The following ATXN1 variants were observed in gnomAD, a reference collection of about 807,000 sequenced individuals.
ATXN1 encodes ataxin-1.
Under a neutral mutation model 56.4 loss-of-function variants are expected in ATXN1, and 8 were observed. That is an observed-to-expected ratio of 0.14 (90% CI 0.08 to 0.26). The LOEUF (loss-of-function observed/expected upper bound fraction) is 0.26. ATXN1 is among the 10% of genes least tolerant of loss of function. The pLI is 1.00. For missense variants in ATXN1, 987 were observed against 1,106.5 expected (o/e 0.89, Z 1.53); for synonymous variants, 514 against 494.6 (o/e 1.04, Z -0.52).
intron 6 of ATXN1, among the ~76,000 whole-genome samples, chr6:16,456,408 G>A (rs975619313): frequency 6.6e-6 from 1 of 152,208 alleles, no homozygotes; most frequent in Non-Finnish European, 1.5e-5. Flanking sequence ...TAAGGACATG[G>A]ATGTCAGGCT....
intron 6 of ATXN1, among the ~76,000 whole-genome samples, chr6:16,363,980 CGCTG>C (rs1409951301): frequency 2.0e-5 from 3 of 152,160 alleles, no homozygotes; most frequent in African/African-American, 7.2e-5. Context: ...ATCCATGTTC[CGCTG>C]GCTCTAGAAA....
chr6:16,367,126 C>T (rs1761936684), intron 6 of ATXN1, among the ~76,000 whole-genome samples: 1 of 152,112 alleles, frequency 6.6e-6, no homozygotes, highest in South Asian at 2.1e-4. Context: ...CTGTTATTAG[C>T]AGCCTCTGTG....
chr6:16,439,175 A>G (rs1330165194), intron 6 of ATXN1, among the ~76,000 whole-genome samples: 1 of 151,992 alleles, frequency 6.6e-6, no homozygotes, highest in Non-Finnish European at 1.5e-5. Flanking sequence ...AAGGGCCTCC[A>G]AGAATTTAAA....
intron 3 of ATXN1, among the ~76,000 whole-genome samples, chr6:16,607,630 T>C (rs3806142): frequency 0.1 from 15,721 of 152,230 alleles, 1,548 homozygotes; most frequent in African/African-American, 0.26. Flanking sequence ...TACCCATCTC[T>C]CTAGGCAACC....
intron 5 of ATXN1, among the ~76,000 whole-genome samples, chr6:16,522,112 A>G (rs892587966): frequency 6.6e-6 from 1 of 152,188 alleles, no homozygotes; most frequent in Non-Finnish European, 1.5e-5. Flanking sequence ...TCAAAATCCT[A>G]GCTCTGCTAC....
intron 2 of ATXN1, among the ~76,000 whole-genome samples, chr6:16,691,833 T>C (rs1469689429): frequency 2.6e-5 from 4 of 152,216 alleles, no homozygotes; most frequent in Non-Finnish European, 5.9e-5. Flanking sequence ...CGTGATAGTA[T>C]TAGGGAGTGG....
At position 16,394,633 on chromosome 6, in the gene ATXN1, A is replaced by G. The variant is rs182046945; in HGVS notation, c.-160-66163T>C. Among the ~76,000 whole-genome samples, 44 of 152,332 alleles carry G rather than the reference A, an allele frequency of 2.9e-4. 2 individuals are homozygous for G. In the East Asian group the frequency reaches 8.3e-3, roughly 29 times the overall value. ...ACCAAAGAAGAAAATAAAAGACCCTATAAAATTCAGCTCTGTTTAAGTCCT... is the reference window on the plus strand; with the variant it reads ...ACCAAAGAAGAAAATAAAAGACCCTGTAAAATTCAGCTCTGTTTAAGTCCT... On this transcript the variant is annotated intron_variant, in intron 6 of 7. Transcript: ENST00000436367.
intron 4 of ATXN1, among the ~76,000 whole-genome samples, chr6:16,523,576 G>A (rs1009960904): frequency 1.3e-5 from 2 of 152,184 alleles, no homozygotes; most frequent in African/African-American, 2.4e-5. Flanking sequence ...CTGTGAAGAA[G>A]TCTTAATAAA....
intron 2 of ATXN1, among the ~76,000 whole-genome samples, chr6:16,687,283 T>C (rs1261567434): frequency 6.6e-6 from 1 of 152,172 alleles, no homozygotes; most frequent in Non-Finnish European, 1.5e-5. Flanking sequence ...AGAGGTGATA[T>C]ATATCGGGTG....
At chr6:16,672,580 C>T (rs1175640476) in intron 2 of ATXN1, among the ~76,000 whole-genome samples, 1 of 152,052 alleles carries the variant, frequency 6.6e-6, no homozygotes. Flanking sequence ...AATGTAATCG[C>T]AAGGAAGTTT....
At chr6:16,542,305 T>A (rs1371652012) in intron 4 of ATXN1, among the ~76,000 whole-genome samples, 1 of 152,306 alleles carries the variant, frequency 6.6e-6, no homozygotes, top group Non-Finnish European at 1.5e-5. Flanking sequence ...ATCCTATTTA[T>A]TCATTCCTTA....
chr6:16,735,953 C>T (rs1432024923), intron 2 of ATXN1, among the ~76,000 whole-genome samples: 1 of 152,136 alleles, frequency 6.6e-6, no homozygotes, highest in African/African-American at 2.4e-5. Context: ...TAGTACTCTG[C>T]ATATAGTAGG....
intron 6 of ATXN1, among the ~76,000 whole-genome samples, chr6:16,397,854 G>C (rs1424926795): frequency 6.6e-6 from 1 of 152,174 alleles, no homozygotes; most frequent in Admixed American, 6.5e-5. Context: ...CTGGATATTT[G>C]TATCATCCTT....
At chr6:16,575,245 C>T (rs543491384) in intron 4 of ATXN1, among the ~76,000 whole-genome samples, 4 of 152,178 alleles carry the variant, frequency 2.6e-5, no homozygotes, top group South Asian at 4.2e-4. Flanking sequence ...TACTTTTGCC[C>T]GCTCATTCTA....
intron 4 of ATXN1, among the ~76,000 whole-genome samples, chr6:16,577,773 C>T (rs1762450749): frequency 7.5e-6 from 1 of 134,074 alleles, no homozygotes; most frequent in Admixed American, 7.0e-5. Context: ...TCTCTGAGAG[C>T]TCACTCCATG....
intron 6 of ATXN1, among the ~76,000 whole-genome samples, chr6:16,469,665 G>C (rs1247676034): frequency 1.3e-5 from 2 of 152,162 alleles, no homozygotes; most frequent in African/African-American, 4.8e-5. Context: ...ATAAAGACGT[G>C]AAAGAGAGTT....
At chr6:16,481,852 T>C (rs1344571888) in intron 6 of ATXN1, among the ~76,000 whole-genome samples, 2 of 152,046 alleles carry the variant, frequency 1.3e-5, no homozygotes, top group African/African-American at 4.8e-5. Flanking sequence ...GATGTGATGA[T>C]AAGAGACAAA....
chr6:16,611,066 A>G (rs1394800054), intron 3 of ATXN1, among the ~76,000 whole-genome samples: 1 of 152,180 alleles, frequency 6.6e-6, no homozygotes, highest in Admixed American at 6.6e-5. Context: ...GAGAGCATAT[A>G]ACAAACAACT....
chr6:16,631,090 G>A (rs1763495881), intron 3 of ATXN1, among the ~76,000 whole-genome samples: 1 of 152,152 alleles, frequency 6.6e-6, no homozygotes. Context: ...CTGGCACTGC[G>A]CTGACTGCCG....
Sources: gnomAD v4.1 joint callset for allele counts (sites outside exome capture counted in the v4.1 genomes callset) on GRCh38, gnomAD v4.1.1 for gene constraint, MANE v1.5 for transcripts, NCBI Gene and HGNC (gene_info 2026-07-23, HGNC 2026-07-21) for gene names.